The following GNE variants were observed in gnomAD, a reference collection of about 807,000 sequenced individuals.
The protein encoded by GNE is glucosamine (UDP-N-acetyl)-2-epimerase/N-acetylmannosamine kinase.
A neutral mutation model predicts 61.8 loss-of-function variants in GNE; 41 were observed. The observed-to-expected ratio is 0.66, with a 90% CI of 0.52 to 0.86. The LOEUF (loss-of-function observed/expected upper bound fraction) is 0.86, where lower values mean the gene tolerates loss of function less well. Ranked by LOEUF, GNE falls within the 40% of genes least tolerant of loss-of-function variation. GNE has a pLI of 0.00. For missense variants in GNE, 608 were observed against 909.1 expected, an observed-to-expected ratio of 0.67 and a Z score of 4.26; for synonymous variants, 264 against 326.4, an observed-to-expected ratio of 0.81 and a Z score of 2.06.
At chr9:36,236,789 T>A (rs371750125) in intron 4 of GNE, 43 bp downstream of exon 4, 169 of 1,573,174 alleles carry the variant, frequency 1.1e-4, no homozygotes, top group Non-Finnish European at 1.4e-4. Flanking sequence ...AACATAAAAT[T>A]GGGAAAAGTA....
chr9:36,230,740 A>C (rs1029212766), intron 5 of GNE, among the ~76,000 whole-genome samples: 1 of 151,686 alleles, frequency 6.6e-6, no homozygotes, highest in African/African-American at 2.4e-5. Context: ...GCTCACTGCA[A>C]GTTCCGCCTC....
At chr9:36,222,672 G>C in intron 9 of GNE, 105 bp downstream of exon 9, 1 of 844,310 alleles carries the variant, frequency 1.2e-6, no homozygotes, top group Non-Finnish European at 2.1e-6. Flanking sequence ...CTCTAGTCAT[G>C]CAGGAAGTGA....
At chr9:36,221,045 G>T (rs1001952241) in intron 9 of GNE, among the ~76,000 whole-genome samples, 2 of 152,228 alleles carry the variant, frequency 1.3e-5, no homozygotes, top group East Asian at 1.9e-4. Context: ...CTTAGGCTGG[G>T]TGTGGTGGCT....
rs71336437 is a variant in GNE at position 36,266,898 on chromosome 9, CA to C, written c.51+9995del. ...TGGGTGACAAAGTAAGACTCCGTCTCAAAAAAAAAAAATACAAAAATTAACC... is the reference window on the plus strand; with the variant it reads ...TGGGTGACAAAGTAAGACTCCGTCTCAAAAAAAAAAATACAAAAATTAACC... On this transcript the variant is annotated intron_variant, in intron 1 of 11. Coordinates refer to the GNE transcript ENST00000396594. 5.1e-3 allele frequency among the ~76,000 whole-genome samples: 717 copies of C among 140,652 alleles called. 4 individuals are homozygous for C. Among genetic ancestry groups the C allele is most frequent in the African/African-American group, 0.016 (624 of 38,488 alleles). 92.3% of individuals were successfully genotyped at this position (140,652 alleles called of 152,430 possible).
chr9:36,234,074 A>G lies in GNE; in HGVS notation c.828T>C (p.Phe276=), dbSNP rs770346895. The change falls in exon 5 of 12, where the codon TTT becomes TTC. Residue 276 remains phenylalanine (F), a synonymous_variant. Transcript: ENST00000642385. ...RKKGIEHHPN[F]RAVKHVPFDQ... Reference sequence around the variant, plus strand: ...CAAATGGGACGTGTTTAACTGCACGAAAGTTGGGATGATGCTCAATGCCCT... The same window carrying G: ...CAAATGGGACGTGTTTAACTGCACGGAAGTTGGGATGATGCTCAATGCCCT... The G allele has an allele frequency of 1.1e-5, 18 of 1,614,068 alleles. No homozygotes were observed. In the East Asian group the frequency reaches 2.9e-4, roughly 26 times the overall value.
chr9:36,267,409 T>C (rs1830843987), intron 1 of GNE, among the ~76,000 whole-genome samples: 1 of 152,102 alleles, frequency 6.6e-6, no homozygotes, highest in Non-Finnish European at 1.5e-5. Flanking sequence ...TTAAAATATA[T>C]TTTTTGGCTG....
At chr9:36,238,282 T>C (rs1829487239) in intron 3 of GNE, among the ~76,000 whole-genome samples, 1 of 152,182 alleles carries the variant, frequency 6.6e-6, no homozygotes, top group Admixed American at 6.5e-5. Flanking sequence ...TGACTTCTTT[T>C]CCTCTGGGTA....
At position 36,217,012 on chromosome 9, in the gene GNE, C is replaced by T. The variant is rs539206213; in HGVS notation, c.*353G>A. 5.8e-6 allele frequency: 2 copies of T among 343,414 alleles called. No individual in the cohort carries two copies. Among genetic ancestry groups the T allele is most frequent in the Admixed American group, 4.2e-5 (1 of 23,944 alleles). The allele number at this position is 343,414 out of a possible 1,614,324, so 21.3% of individuals were successfully genotyped here. A position where few individuals can be genotyped will look rare whatever the true frequency, so the allele number is the denominator to read the frequency against. On this transcript the variant is annotated 3_prime_UTR_variant, in exon 12 of 12. Transcript: ENST00000642385. ...TGCAAACTTCAGGATGAAGTGATAT[C>T]CCAGGCAAGGCCTGAAGGTCTCAGT...
intron 9 of GNE, among the ~76,000 whole-genome samples, chr9:36,221,525 T>C (rs1462435608): frequency 6.6e-6 from 1 of 151,812 alleles, no homozygotes; most frequent in Non-Finnish European, 1.5e-5. Flanking sequence ...AGTAACAAAT[T>C]GGGATGTCAT....
intron 1 of GNE, among the ~76,000 whole-genome samples, chr9:36,275,232 C>T (rs1287632352): frequency 1.3e-5 from 2 of 152,200 alleles, no homozygotes; most frequent in Non-Finnish European, 2.9e-5. Context: ...ATCGTATTAT[C>T]ACCTACTAGG....
intron 4 of GNE, 130 bp downstream of exon 4, chr9:36,236,702 T>G (rs1829408774): frequency 3.6e-6 from 3 of 825,546 alleles, no homozygotes; most frequent in Non-Finnish European, 6.1e-6. Flanking sequence ...CTTTGAAAAT[T>G]GGAATGCATT....
chr9:36,224,073 G>A (rs193097361), intron 7 of GNE, among the ~76,000 whole-genome samples: 48 of 151,804 alleles, frequency 3.2e-4, no homozygotes, highest in African/African-American at 1.1e-3. Context: ...TTAAGCTTAA[G>A]TTCAATGTTC....
At chr9:36,253,986 G>A (rs1342349119) in intron 1 of GNE, among the ~76,000 whole-genome samples, 2 of 151,812 alleles carry the variant, frequency 1.3e-5, no homozygotes, top group African/African-American at 2.4e-5. Context: ...GCAGTGAGCC[G>A]AGATTACACC....
At chr9:36,227,530 G>T in intron 6 of GNE, 72 bp from the exon 7 acceptor site, 1 of 960,596 alleles carries the variant, frequency 1.0e-6, no homozygotes, top group Non-Finnish European at 1.7e-6. Context: ...AGGGTATAAT[G>T]TAATGGAAAC....
rs1259281860 is a variant in GNE at position 36,215,137 on chromosome 9, C to T, written c.*2228G>A. 2 of 151,792 alleles carry T rather than the reference C, an allele frequency of 1.3e-5. No individual in the cohort carries two copies. The highest frequency in any genetic ancestry group is 2.4e-5 in the African/African-American group (1 of 41,288). The allele number at this position is 151,792 out of a possible 1,614,324, so 9.4% of individuals were successfully genotyped here. ...GTCAGGAGTTCAAGACCAGCCTGGC[C>T]AACATGGTGAAACCCTGTCTACTAA... is the stretch of plus-strand genomic sequence containing the variant. On this transcript the variant is annotated 3_prime_UTR_variant, in exon 12 of 12. Coordinates refer to ENST00000642385, the MANE Select transcript of GNE (RefSeq NM_005476.7).
In GNE at chr9:36,218,722, C is replaced by T. The variant is rs972555643; in HGVS notation, c.1817-423G>A. Among the ~76,000 whole-genome samples the T allele has an allele frequency of 2.0e-5, 3 of 152,258 alleles. No homozygotes were observed. The highest frequency in any genetic ancestry group is 3.8e-4 in the East Asian group (2 of 5,204). ...GCAGCGAGGCACAGTGGCTGAGGAA[C>T]AGACACAGGCCTGGGGTCAGTGCCA... On this transcript the variant is annotated intron_variant, in intron 10 of 11. Coordinates refer to ENST00000642385, the MANE Select transcript of GNE (RefSeq NM_005476.7). The surrounding 1 kb of genome is among the most constrained non-coding windows in gnomAD (Gnocchi z 4.1).
intron 1 of GNE, among the ~76,000 whole-genome samples, chr9:36,266,834 G>A (rs950597469): frequency 2.0e-5 from 3 of 152,190 alleles, no homozygotes; most frequent in Non-Finnish European, 2.9e-5. Context: ...GGGTGAACCC[G>A]GGAGGCGGAG....
intron 1 of GNE, chr9:36,265,261 A>T: frequency 2.5e-6 from 1 of 403,944 alleles, no homozygotes; most frequent in Admixed American, 2.7e-5. Flanking sequence ...CATTCACCGC[A>T]TGGCCCAAGA....
rs540708917 is a variant in GNE at position 36,218,860 on chromosome 9, C to T, written c.1817-561G>A. ...TCCCCTGGCAGGGTTATTTGAGGAA[C>T]GGAATGAGATCATGGACATAAAGTA... On this transcript the variant is annotated intron_variant, in intron 10 of 11. Transcript: ENST00000642385. The surrounding 1 kb of genome is among the most constrained non-coding windows in gnomAD (Gnocchi z 4.1). Among the ~76,000 whole-genome samples, 2 of 152,348 alleles carry T rather than the reference C, an allele frequency of 1.3e-5. No individual in the cohort carries two copies. The highest frequency in any genetic ancestry group is 3.9e-4 in the East Asian group (2 of 5,184).
Sources: gnomAD v4.1 joint callset for allele counts (sites outside exome capture counted in the v4.1 genomes callset) on GRCh38, gnomAD v4.1.1 for gene constraint, Gnocchi (gnomAD v3.1) non-coding constraint, MANE v1.5 for transcripts, NCBI Gene and HGNC (gene_info 2026-07-23, HGNC 2026-07-21) for gene names.